Variants in GSDMC observed in about 807,000 individuals in gnomAD.
The protein encoded by GSDMC is gasdermin C.
Under a neutral mutation model 58.0 loss-of-function variants are expected in GSDMC, and 59 were observed. The ratio of observed to expected loss-of-function variants is 1.02; its 90% CI spans 0.82 to 1.26. The LOEUF (loss-of-function observed/expected upper bound fraction) is 1.26. Among genes scored for constraint, GSDMC ranks in the 50% most tolerant of loss-of-function variants. The pLI is 0.00. For missense variants in GSDMC, 659 were observed against 598.5 expected, an observed-to-expected ratio of 1.10 and a Z score of -1.06; for synonymous variants, 241 against 220.2, an observed-to-expected ratio of 1.09 and a Z score of -0.83.
chr8:129,709,833 C>A, the GSDMC span, among the ~76,000 whole-genome samples: 1 of 152,234 alleles, frequency 6.6e-6, no homozygotes, highest in East Asian at 1.9e-4. Context: ...TAAGGCTTCA[C>A]GTATGCTCTT....
At chr8:129,747,834 G>T (rs2033002044), downstream of GSDMC, among the ~76,000 whole-genome samples, 1 of 152,102 alleles carries the variant, frequency 6.6e-6, no homozygotes, top group Non-Finnish European at 1.5e-5. Flanking sequence ...GGACTCCCAG[G>T]TTTCAGCTTA....
chr8:129,709,354 A>G, the GSDMC span, among the ~76,000 whole-genome samples: 2 of 152,190 alleles, frequency 1.3e-5, no homozygotes, highest in East Asian at 3.8e-4. Context: ...GACACATCAG[A>G]GGCACACAGT....
At chr8:129,746,517 G>T (rs903215747), downstream of GSDMC, among the ~76,000 whole-genome samples, 8 of 152,234 alleles carry the variant, frequency 5.3e-5, no homozygotes, top group South Asian at 1.5e-3. Context: ...GAATATAAAA[G>T]ATATTTAATT....
rs775375617 is a variant in GSDMC at position 129,752,090 on chromosome 8, G to A, written c.886+16C>T. 3.7e-6 allele frequency: 6 copies of A among 1,607,060 alleles called. No homozygotes were observed. In the South Asian group the frequency reaches 5.5e-5, roughly 15 times the overall value. On this transcript the variant is annotated intron_variant, in intron 8 of 13. Transcript: ENST00000276708. ...GTGCAGATTGTCCTGGAAGGGGAGG[G>A]CCAGATTCCACTCACTTGGCAAATG... is the stretch of plus-strand genomic sequence containing the variant.
At chr8:129,785,537 A>C (rs982596656) in intron 1 of GSDMC, among the ~76,000 whole-genome samples, 3 of 151,776 alleles carry the variant, frequency 2.0e-5, no homozygotes, top group African/African-American at 7.3e-5. Flanking sequence ...ACAGTTAGAA[A>C]TAACTAAAAC....
the GSDMC span, among the ~76,000 whole-genome samples, chr8:129,713,178 T>C: frequency 6.6e-6 from 1 of 152,256 alleles, no homozygotes; most frequent in Non-Finnish European, 1.5e-5. Context: ...GTTCCAAATG[T>C]GGAGACAGCA....
rs146941794 is a variant in GSDMC at position 129,779,638 on chromosome 8, A to G, written c.-4-2047T>C. On this transcript the variant is annotated intron_variant, in intron 1 of 13. Coordinates refer to ENST00000276708, the MANE Select transcript of GSDMC (RefSeq NM_031415.3). ...AAAGTATAAAAAAGAAAATATATATATAATTAAAAAAAAGAAAGAAAATGT... is the reference window on the plus strand; with the variant it reads ...AAAGTATAAAAAAGAAAATATATATGTAATTAAAAAAAAGAAAGAAAATGT... 3.5e-3 allele frequency among the ~76,000 whole-genome samples: 537 copies of G among 151,562 alleles called. 2 individuals are homozygous for G. The highest frequency in any genetic ancestry group is 0.013 in the African/African-American group (521 of 41,296).
Position 129,765,673 on chromosome 8 carries a change from A to G in GSDMC, c.525T>C (p.Ser175=). The part of the protein sequence containing the change: ...INNTVLYDSS[S]VNILGKIALW... ...GAGCAATTTTCCCTAAAATATTCAC[A>G]CTACTGCTATCGTACAGCACAGTAT... The change falls in exon 4 of 14, where the codon AGT becomes AGC. Residue 175 remains serine (S), a synonymous_variant. Coordinates refer to ENST00000276708, the MANE Select transcript of GSDMC (RefSeq NM_031415.3). The G allele has an allele frequency of 6.2e-7, 1 of 1,613,368 alleles. No individual in the cohort carries two copies. Among genetic ancestry groups the G allele is most frequent in the Non-Finnish European group, 8.5e-7 (1 of 1,179,332 alleles).
chr8:129,712,992 G>A, the GSDMC span, among the ~76,000 whole-genome samples: 1 of 152,200 alleles, frequency 6.6e-6, no homozygotes, highest in Non-Finnish European at 1.5e-5. Context: ...TCGGGGTGAG[G>A]AGGCTGGCCT....
rs115758556 is a variant in GSDMC, at chr8:129,752,119, G to A, written c.873C>T (p.Ser291=). 2,715 of 1,613,042 alleles carry A rather than the reference G, an allele frequency of 1.7e-3. 4 individuals are homozygous for A. Among genetic ancestry groups the A allele is most frequent in the Admixed American group, 2.6e-3 (155 of 60,016 alleles). Residue 291 remains serine, a synonymous_variant, in exon 8 of 14, where the codon AGC becomes AGT. Transcript: ENST00000276708. ...PELFLTQQFL[S]GHLPKYEQVH... ...GATTCCACTCACTTGGCAAATGCCC[G>A]CTCAAAAATTGCTGTGTCAGAAATA...
chr8:129,750,265 G>T, intron 11 of GSDMC, 146 bp from the exon 12 acceptor site: 1 of 1,006,884 alleles, frequency 9.9e-7, no homozygotes, highest in Non-Finnish European at 1.4e-6. Flanking sequence ...CAGTAGTGGG[G>T]GCGACACTTC....
chr8:129,735,766 C>T, the GSDMC span, among the ~76,000 whole-genome samples: 1 of 152,074 alleles, frequency 6.6e-6, no homozygotes, highest in African/African-American at 2.4e-5. Flanking sequence ...CAAGGCCAAA[C>T]AAATTCAAAA....
chr8:129,747,113 C>T (rs535552438), downstream of GSDMC, among the ~76,000 whole-genome samples: 75 of 151,670 alleles, frequency 4.9e-4, no homozygotes, highest in Non-Finnish European at 8.8e-4. Flanking sequence ...AAAAATTAGC[C>T]GAGTGTGGTG....
intron 12 of GSDMC, 37 bp downstream of exon 12, chr8:129,749,953 T>C (rs1322881698): frequency 1.9e-6 from 3 of 1,545,704 alleles, no homozygotes; most frequent in South Asian, 1.3e-5. Context: ...GGGACCAATC[T>C]TGTGATTCTC....
the GSDMC span, among the ~76,000 whole-genome samples, chr8:129,710,172 C>T: frequency 2.0e-5 from 3 of 152,154 alleles, no homozygotes; most frequent in African/African-American, 4.8e-5. Context: ...CACTAGAATG[C>T]CAGCAGGGTG....
At chr8:129,731,039 G>C in the GSDMC span, among the ~76,000 whole-genome samples, 1 of 152,092 alleles carries the variant, frequency 6.6e-6, no homozygotes, top group Non-Finnish European at 1.5e-5. Flanking sequence ...AACATAAAGT[G>C]GTAGAAATAT....
At chr8:129,714,211 G>T in the GSDMC span, among the ~76,000 whole-genome samples, 1 of 152,272 alleles carries the variant, frequency 6.6e-6, no homozygotes. Context: ...TCAGGTAAAG[G>T]TTGGATCCAC....
In GSDMC at chr8:129,777,439, CA is replaced by C. The variant is rs781265278; in HGVS notation, c.148del (p.Trp50GlyfsTer24). 1 of 1,613,652 alleles carries C rather than the reference CA, an allele frequency of 6.2e-7. No homozygotes were observed. Among genetic ancestry groups the C allele is most frequent in the South Asian group, 1.1e-5 (1 of 91,078 alleles). ...RKKKDSRSSF[W>X]EQSDYVPVEF... Reference sequence around the variant, plus strand: ...AACTGGAACATAGTCAGATTGTTCCCAAAATGATGAACGAGAATCCTTCTTC... The same window carrying C: ...AACTGGAACATAGTCAGATTGTTCCCAAATGATGAACGAGAATCCTTCTTC... On this transcript the variant is annotated frameshift_variant, in exon 2 of 14. Transcript: ENST00000276708. LOFTEE classifies it high-confidence loss of function.
chr8:129,750,230 TC>T, intron 11 of GSDMC, 111 bp from the exon 12 acceptor site: 3 of 1,054,344 alleles, frequency 2.8e-6, no homozygotes, highest in Non-Finnish European at 4.0e-6. Context: ...GTTCTCTACC[TC>T]CCCCAGGGGA....
Sources: allele counts gnomAD v4.1 joint callset (sites outside exome capture counted in the v4.1 genomes callset), GRCh38; gene constraint gnomAD v4.1.1; transcripts MANE v1.5; gene names NCBI Gene and HGNC (gene_info 2026-07-23, HGNC 2026-07-21).